UNC93A: variants seen among roughly 807,000 people sequenced by gnomAD.
The protein encoded by UNC93A is N-acetylglucosamine transporter UNC93A.
UNC93A carries 43 observed loss-of-function variants against 47.5 expected under a neutral mutation model. That is an observed-to-expected ratio of 0.91 (90% CI 0.71 to 1.17). The LOEUF (loss-of-function observed/expected upper bound fraction) is 1.17. Ranked by LOEUF, UNC93A falls within the 50% of genes most tolerant of loss-of-function variation. The pLI is 0.00. For synonymous variants in UNC93A, 280 were observed against 258.0 expected (o/e 1.09, Z -0.82); for missense variants, 605 against 577.6 (o/e 1.05, Z -0.49).
intron 4 of UNC93A, among the ~76,000 whole-genome samples, chr6:167,303,598 G>C (rs1412574379): frequency 6.6e-6 from 1 of 152,146 alleles, no homozygotes; most frequent in Non-Finnish European, 1.5e-5. Context: ...ATGAGAAGCA[G>C]AGTCCAATGG....
At chr6:167,293,380 C>G (rs1777941887) in intron 1 of UNC93A, among the ~76,000 whole-genome samples, 2 of 152,178 alleles carry the variant, frequency 1.3e-5, no homozygotes, top group Admixed American at 1.3e-4. Context: ...TCCACTCCAG[C>G]TCCACCCTGG....
At chr6:167,279,246 T>C (rs933192967) in intron 1 of UNC93A, among the ~76,000 whole-genome samples, 1 of 152,144 alleles carries the variant, frequency 6.6e-6, no homozygotes, top group Admixed American at 6.5e-5. Flanking sequence ...CGGAGATATA[T>C]ATAGAGAGAG....
intron 2 of UNC93A, among the ~76,000 whole-genome samples, chr6:167,295,090 C>T (rs562023119): frequency 7.9e-5 from 12 of 152,292 alleles, no homozygotes; most frequent in African/African-American, 2.2e-4. Flanking sequence ...AGCTGCACCT[C>T]GCCCACCATT....
At chr6:167,283,687 T>TAC (rs1293643916) in intron 1 of UNC93A, among the ~76,000 whole-genome samples, 13 of 152,182 alleles carry the variant, frequency 8.5e-5, no homozygotes, top group African/African-American at 2.7e-4. Context: ...AAGTTTGAGA[T>TAC]ACACACACAC....
intron 1 of UNC93A, among the ~76,000 whole-genome samples, chr6:167,285,938 TTCTC>T (rs138265267): frequency 0.025 from 3,280 of 131,748 alleles, 117 homozygotes; most frequent in African/African-American, 0.066. Flanking sequence ...TTAGTTTTCT[TTCTC>T]TCTCTCTCTC....
chr6:167,307,048 C>T (rs1445111474), intron 6 of UNC93A, among the ~76,000 whole-genome samples: 2 of 152,166 alleles, frequency 1.3e-5, no homozygotes, highest in Non-Finnish European at 2.9e-5. Context: ...TTGGAAGGCT[C>T]AGATGAAACC....
intron 4 of UNC93A, among the ~76,000 whole-genome samples, chr6:167,299,356 C>T (rs540062101): frequency 3.3e-5 from 5 of 152,128 alleles, no homozygotes; most frequent in African/African-American, 4.8e-5. Flanking sequence ...GAGGAGGGTT[C>T]GTGGGCACTG....
Position 167,306,068 on chromosome 6 carries a change from T to A in UNC93A, c.976+18T>A, listed in dbSNP as rs760291231. The A allele has an allele frequency of 6.2e-7, 1 of 1,613,424 alleles. No homozygotes were observed. The highest frequency in any genetic ancestry group is 8.5e-7 in the Non-Finnish European group (1 of 1,179,604). On this transcript the variant is annotated intron_variant, in intron 6 of 7. Transcript: ENST00000230256. ...CGTGCTGGGTAGGTATCAGCGTGGG[T>A]CCCATCCCAGCTGTCATAACGATTT...
upstream of UNC93A, among the ~76,000 whole-genome samples, chr6:167,286,814 C>A (rs572465985): frequency 6.6e-6 from 1 of 151,920 alleles, no homozygotes; most frequent in South Asian, 2.1e-4. Flanking sequence ...CCCGTCTCTA[C>A]TGAAATACAA....
intron 1 of UNC93A, among the ~76,000 whole-genome samples, chr6:167,285,979 TAC>T (rs1554237667): frequency 0.017 from 2,399 of 142,048 alleles, 96 homozygotes; most frequent in African/African-American, 0.059. Context: ...TATATATATA[TAC>T]ACACACACAC....
intron 1 of UNC93A, among the ~76,000 whole-genome samples, chr6:167,276,043 A>T (rs1477079218): frequency 6.8e-6 from 1 of 147,106 alleles, no homozygotes; most frequent in Non-Finnish European, 1.5e-5. Context: ...ACTCTATGAG[A>T]TCATTTTTTT....
intron 2 of UNC93A, among the ~76,000 whole-genome samples, chr6:167,295,260 G>A (rs928938945): frequency 1.3e-5 from 2 of 152,228 alleles, no homozygotes; most frequent in Admixed American, 1.3e-4. Flanking sequence ...GGTTGTGCCA[G>A]GACATGCTGC....
intron 1 of UNC93A, among the ~76,000 whole-genome samples, chr6:167,285,979 T>TATACAC (rs1259969636): frequency 2.7e-4 from 38 of 142,114 alleles, no homozygotes; most frequent in African/African-American, 9.7e-4. Flanking sequence ...TATATATATA[T>TATACAC]ACACACACAC....
At chr6:167,295,070 A>G (rs1313050662) in intron 2 of UNC93A, among the ~76,000 whole-genome samples, 2 of 152,130 alleles carry the variant, frequency 1.3e-5, no homozygotes, top group African/African-American at 4.8e-5. Flanking sequence ...GATGTCACCA[A>G]TGGACCGAAA....
intron 3 of UNC93A, 49 bp downstream of exon 3, chr6:167,296,310 C>CAGTGATGGGGGAGAGGGTTCCT: frequency 2.5e-6 from 4 of 1,588,278 alleles, no homozygotes; most frequent in East Asian, 2.2e-5. Context: ...GCAGGGGTTT[C>CAGTGATGGGGGAGAGGGTTCCT]AGTGATGGGG....
chr6:167,299,976 C>G (rs1778195912), intron 4 of UNC93A, among the ~76,000 whole-genome samples: 1 of 152,082 alleles, frequency 6.6e-6, no homozygotes, highest in Non-Finnish European at 1.5e-5. Context: ...GTGCTGAGTC[C>G]AGAGGAGGGA....
Position 167,304,141 on chromosome 6 carries a change from C to T in UNC93A, c.840+8C>T, listed in dbSNP as rs377125031. 33 of 1,614,034 alleles carry T rather than the reference C, an allele frequency of 2.0e-5. No individual in the cohort carries two copies. Among genetic ancestry groups the T allele is most frequent in the South Asian group, 6.6e-5 (6 of 91,054 alleles). ...TCCAGCGAATACACAAGGGTATGAA[C>T]GAAAGTGAGGGCCGGTGGCTCAGGC... On this transcript the variant is annotated splice_region_variant and intron_variant, in intron 5 of 7. Coordinates refer to ENST00000230256, the MANE Select transcript of UNC93A (RefSeq NM_018974.4).
upstream of UNC93A, among the ~76,000 whole-genome samples, chr6:167,270,196 A>T (rs1459350709): frequency 6.6e-6 from 1 of 152,008 alleles, no homozygotes; most frequent in Non-Finnish European, 1.5e-5. Context: ...AAAGTCACCT[A>T]ATCATTTTGC....
intron 1 of UNC93A, among the ~76,000 whole-genome samples, chr6:167,277,695 GTC>G (rs1262059168): frequency 1.4e-5 from 2 of 146,652 alleles, no homozygotes; most frequent in South Asian, 2.2e-4. Context: ...GTCTCTCTCT[GTC>G]TCTGTGTCTC....
Sources: allele counts gnomAD v4.1 joint callset (sites outside exome capture counted in the v4.1 genomes callset), GRCh38; gene constraint gnomAD v4.1.1; transcripts MANE v1.5; gene names NCBI Gene and HGNC (gene_info 2026-07-23, HGNC 2026-07-21).